The following TBL1Y variants were observed in gnomAD, a reference collection of about 807,000 sequenced individuals.
TBL1Y encodes the protein transducin beta like 1 Y-linked, also known as F-box-like/WD repeat-containing protein TBL1Y.
TBL1Y carries 15 observed loss-of-function variants against 12.0 expected under a neutral mutation model. That is an observed-to-expected ratio of 1.25 (90% CI 0.83 to 1.92). TBL1Y has a LOEUF of 1.92. Ranked by LOEUF, TBL1Y falls within the 40% of genes most tolerant of loss-of-function variation. TBL1Y has a pLI of 0.00. For synonymous variants in TBL1Y, 53 were observed against 42.6 expected (o/e 1.24, Z -0.95); for missense variants, 148 against 116.7 (o/e 1.27, Z -1.24).
intron 2 of TBL1Y, among the ~76,000 whole-genome samples, chrY:6,963,128 T>C: frequency 3.0e-5 from 1 of 33,348 alleles, no homozygotes; most frequent in Non-Finnish European, 7.4e-5. Context: ...GAAGTAATCA[T>C]AGGCTGAACT....
intron 2 of TBL1Y, among the ~76,000 whole-genome samples, chrY:6,915,474 G>GA (rs2011727897): frequency 3.0e-5 from 1 of 33,434 alleles, no homozygotes; most frequent in Admixed American, 2.8e-4. Context: ...TTATGGCAAT[G>GA]AATGAGAAAT....
chrY:6,949,790 A>G, intron 2 of TBL1Y, among the ~76,000 whole-genome samples: 4 of 33,696 alleles, frequency 1.2e-4, no homozygotes, highest in Non-Finnish European at 2.2e-4. Flanking sequence ...TTTTAATGTT[A>G]AAAAATACAA....
intron 6 of TBL1Y, among the ~76,000 whole-genome samples, chrY:7,032,666 A>G: frequency 3.0e-5 from 1 of 33,595 alleles, no homozygotes; most frequent in Non-Finnish European, 7.3e-5. Flanking sequence ...CTCAGTGGAT[A>G]TGGGTGAGGC....
chrY:6,924,330 T>C, intron 2 of TBL1Y, among the ~76,000 whole-genome samples: 1 of 32,550 alleles, frequency 3.1e-5, no homozygotes, highest in Non-Finnish European at 7.5e-5. Flanking sequence ...GGCTCACGCC[T>C]GTAATTCCAG....
At chrY:6,997,253 T>TA (rs2012417538) in intron 4 of TBL1Y, among the ~76,000 whole-genome samples, 1 of 32,709 alleles carries the variant, frequency 3.1e-5, no homozygotes, top group African/African-American at 1.2e-4. Flanking sequence ...ATATTTCTAC[T>TA]AAAAATACAG....
intron 2 of TBL1Y, among the ~76,000 whole-genome samples, chrY:6,918,029 A>T (rs1399326459): frequency 9.2e-5 from 3 of 32,751 alleles, no homozygotes. Context: ...CCTGTATTAT[A>T]CTTAGTGGAG....
chrY:7,000,841 G>A, intron 4 of TBL1Y, among the ~76,000 whole-genome samples: 2 of 33,501 alleles, frequency 6.0e-5, no homozygotes, highest in East Asian at 8.0e-4. Context: ...CTCAAGTGTC[G>A]CGCCCACCTC....
At chrY:7,003,043 A>G in intron 4 of TBL1Y, among the ~76,000 whole-genome samples, 1 of 33,965 alleles carries the variant, frequency 2.9e-5, no homozygotes, top group Non-Finnish European at 7.3e-5. Context: ...TACGATTACT[A>G]TAATCTTTAC....
At chrY:7,028,917 C>T (rs2012640262) in intron 6 of TBL1Y, among the ~76,000 whole-genome samples, 2 of 32,187 alleles carry the variant, frequency 6.2e-5, no homozygotes, top group African/African-American at 2.5e-4. Context: ...AGCAGCTCCC[C>T]CAAATGCTGG....
chrY:6,928,383 G>A (rs2011841583), intron 2 of TBL1Y, among the ~76,000 whole-genome samples: 1 of 33,681 alleles, frequency 3.0e-5, no homozygotes, highest in Non-Finnish European at 7.3e-5. Context: ...TTTGCCCGAG[G>A]AAAACCTTTG....
intron 2 of TBL1Y, among the ~76,000 whole-genome samples, chrY:6,955,174 C>G (rs773591247): frequency 6.0e-5 from 2 of 33,508 alleles, no homozygotes; most frequent in South Asian, 6.7e-4. Context: ...GGACAGAGGA[C>G]TCTTTATTCT....
intron 8 of TBL1Y, among the ~76,000 whole-genome samples, chrY:7,068,903 C>T: frequency 3.6e-5 from 1 of 27,429 alleles, no homozygotes; most frequent in Non-Finnish European, 8.2e-5. Flanking sequence ...TCCTCTCTTC[C>T]TGCCAGATGA....
intron 13 of TBL1Y, among the ~76,000 whole-genome samples, chrY:7,077,699 C>G: frequency 3.0e-5 from 1 of 33,107 alleles, no homozygotes; most frequent in Non-Finnish European, 7.4e-5. Flanking sequence ...CCATATCTTC[C>G]TACACACACC....
rs2013017798 is a variant in TBL1Y, at chrY:7,070,336, A to G, written c.590+8A>G. Reference sequence around the variant, plus strand: ...TGATTTGCTAGCCTCTGGGTAAGGAAGTCAGGATGGGGGCACTCCAGGGTC... The same window carrying G: ...TGATTTGCTAGCCTCTGGGTAAGGAGGTCAGGATGGGGGCACTCCAGGGTC... On this transcript the variant is annotated splice_region_variant and intron_variant, in intron 9 of 18. Coordinates refer to ENST00000383032, the MANE Select transcript of TBL1Y (RefSeq NM_033284.2). 1 of 395,115 alleles carries G rather than the reference A, an allele frequency of 2.5e-6. No homozygotes were observed. The highest frequency in any genetic ancestry group is 6.4e-5 in the African/African-American group (1 of 15,545).
In TBL1Y at chrY:7,025,022, T is replaced by A; in HGVS notation, c.-50-13T>A. On this transcript the variant is annotated splice_polypyrimidine_tract_variant and intron_variant, in intron 5 of 18. Transcript: ENST00000383032. ...CAGGCAGTGTTTCAAAACTGTCTTC[T>A]TTTTTCAAACAGAGGGTGGTTCCAA... 1 of 367,880 alleles carries A rather than the reference T, an allele frequency of 2.7e-6. No homozygotes were observed. The highest frequency in any genetic ancestry group is 7.9e-5 in the Admixed American group (1 of 12,716). The allele number at this position is 367,880 out of a possible 400,897, so 91.8% of individuals were successfully genotyped here.
At chrY:7,036,324 G>A in intron 6 of TBL1Y, among the ~76,000 whole-genome samples, 1 of 33,284 alleles carries the variant, frequency 3.0e-5, no homozygotes, top group Non-Finnish European at 7.4e-5. Flanking sequence ...AGGGGCATTA[G>A]CCTTCTCAGA....
chrY:6,991,650 T>C (rs192498449), intron 3 of TBL1Y, among the ~76,000 whole-genome samples: 83 of 33,306 alleles, frequency 2.5e-3, no homozygotes, highest in African/African-American at 8.8e-3. Flanking sequence ...CCTCACCACC[T>C]TTAGAAGGAA....
intron 7 of TBL1Y, among the ~76,000 whole-genome samples, chrY:7,045,137 G>A: frequency 3.0e-5 from 1 of 33,146 alleles, no homozygotes; most frequent in Non-Finnish European, 7.4e-5. Context: ...AGTGTTACCA[G>A]TGGAAGGTGT....
intron 4 of TBL1Y, among the ~76,000 whole-genome samples, chrY:7,015,238 T>G: frequency 3.0e-5 from 1 of 33,650 alleles, no homozygotes; most frequent in African/African-American, 1.2e-4. Context: ...TGGAGATGTC[T>G]TTCATAGAGA....
Sources: allele counts gnomAD v4.1 joint callset (sites outside exome capture counted in the v4.1 genomes callset), GRCh38; gene constraint gnomAD v4.1.1; transcripts MANE v1.5; gene names NCBI Gene and HGNC (gene_info 2026-07-23, HGNC 2026-07-21).